CTC1: variants seen among roughly 807,000 people sequenced by gnomAD.
The protein encoded by CTC1 is CST complex subunit CTC1.
CTC1 carries 91 observed loss-of-function variants against 136.3 expected under a neutral mutation model. The observed-to-expected ratio is 0.67, with a 90% CI of 0.56 to 0.79. The LOEUF is 0.79. Ranked by LOEUF, CTC1 falls within the 30% of genes least tolerant of loss-of-function variation. The pLI, the probability that CTC1 is intolerant of heterozygous loss-of-function variation, is 0.00. For synonymous variants in CTC1, 606 were observed against 613.8 expected, an observed-to-expected ratio of 0.99 and a Z score of 0.19; for missense variants, 1,432 against 1,498.1, an observed-to-expected ratio of 0.96 and a Z score of 0.73.
Position 8,228,596 on chromosome 17 carries a change from A to G in CTC1, c.3421T>C (p.Phe1141Leu), listed in dbSNP as rs1302492698. The change falls in exon 22 of 23, where the codon TTC becomes CTC. Residue 1141 changes from phenylalanine (F) to leucine (L), a missense_variant. Transcript: ENST00000651323. ...SARVDEPMTM[F>L]LWTLCTSPSV... ...GGGCTAGTACAAAGTGTCCAGAGGAACATGGTCATGGGCTCGTCAACCCTG... is the reference window on the plus strand; with the variant it reads ...GGGCTAGTACAAAGTGTCCAGAGGAGCATGGTCATGGGCTCGTCAACCCTG... 25 of 1,614,192 alleles carry G rather than the reference A, an allele frequency of 1.5e-5. No individual in the cohort carries two copies. The highest frequency in any genetic ancestry group is 2.1e-5 in the Non-Finnish European group (25 of 1,180,028).
Position 8,247,992 on chromosome 17 carries a change from A to T in CTC1, c.33+12T>A. On this transcript the variant is annotated intron_variant, in intron 1 of 22. Coordinates refer to ENST00000651323, the MANE Select transcript of CTC1 (RefSeq NM_025099.6). ...AGAAAAAAGGAACAAGAGACGTAAT[A>T]GCAGCACTCACGGAGGAAGGGACCT... The T allele has an allele frequency of 6.4e-7, 1 of 1,574,662 alleles. No individual in the cohort carries two copies. The highest frequency in any genetic ancestry group is 8.7e-7 in the Non-Finnish European group (1 of 1,155,026).
chr17:8,232,799 C>G (rs1366847169), intron 11 of CTC1, 107 bp downstream of exon 11: 17 of 1,408,662 alleles, frequency 1.2e-5, no homozygotes, highest in Non-Finnish European at 1.6e-5. Context: ...TGACATGTGT[C>G]ACTTCTGCAT....
At position 8,227,042 on chromosome 17, in the gene CTC1, C is replaced by G. The variant is rs1162690553; in HGVS notation, c.*1138G>C. On this transcript the variant is annotated 3_prime_UTR_variant, in exon 23 of 23. Transcript: ENST00000651323. ...ACCTTGGCGTTATTAGCACCACGCTCTAACCAACTGAGCTAACCGGCCACT... is the reference window on the plus strand; with the variant it reads ...ACCTTGGCGTTATTAGCACCACGCTGTAACCAACTGAGCTAACCGGCCACT... 2 of 151,438 alleles carry G rather than the reference C, an allele frequency of 1.3e-5. No homozygotes were observed. The highest frequency in any genetic ancestry group is 5.0e-5 in the African/African-American group (2 of 40,394). The allele number at this position is 151,438 out of a possible 1,614,324, so 9.4% of individuals were successfully genotyped here.
At chr17:8,230,785 C>G in intron 15 of CTC1, 134 bp from the exon 16 acceptor site, 2 of 706,090 alleles carry the variant, frequency 2.8e-6, no homozygotes, top group South Asian at 3.4e-5. Context: ...AAAACCTGAG[C>G]TCTGCCACAC....
chr17:8,230,068 C>G (rs1025540073), intron 17 of CTC1, 100 bp from the exon 18 acceptor site: 8 of 1,173,388 alleles, frequency 6.8e-6, no homozygotes, highest in African/African-American at 1.5e-5. Context: ...GCCACTCCCC[C>G]TGAGGGACAT....
chr17:8,240,660 A>C (rs529769903), intron 2 of CTC1, among the ~76,000 whole-genome samples: 2 of 151,256 alleles, frequency 1.3e-5, no homozygotes, highest in African/African-American at 4.8e-5. Context: ...CGGGAGGATC[A>C]CCTGAGGTCA....
At chr17:8,242,913 A>T in intron 2 of CTC1, 72 bp downstream of exon 2, 1 of 1,409,486 alleles carries the variant, frequency 7.1e-7, no homozygotes, top group Admixed American at 2.3e-5. Context: ...TTCTAATTAT[A>T]GAACCTTACT....
Position 8,229,379 on chromosome 17 carries a change from C to G in CTC1, c.3079G>C (p.Ala1027Pro). Residue 1027 changes from alanine (A) to proline (P), a missense_variant, in exon 19 of 23, where the codon GCC becomes CCC. By Grantham distance (27) the Ala-to-Pro change is conservative. Coordinates refer to ENST00000651323, the MANE Select transcript of CTC1 (RefSeq NM_025099.6). ...QGGQSPFQAT[A>P]SCHIVSVFSL... ...AAGACAGAGACGATATGGCAAGAGG[C>G]AGTGGCCTGGAATGGGGACTGACCA... 1 of 1,614,158 alleles carries G rather than the reference C, an allele frequency of 6.2e-7. No homozygotes were observed. The highest frequency in any genetic ancestry group is 8.5e-7 in the Non-Finnish European group (1 of 1,179,994).
At chr17:8,236,527 A>G (rs1178473547) in intron 5 of CTC1, among the ~76,000 whole-genome samples, 185 bp from the exon 6 acceptor site, 2 of 152,224 alleles carry the variant, frequency 1.3e-5, no homozygotes, top group Non-Finnish European at 2.9e-5. Flanking sequence ...GAGATGCCAA[A>G]TATTTCCAAA....
chr17:8,231,841 G>A (rs1987257360), intron 13 of CTC1, 26 bp from the exon 14 acceptor site: 2 of 1,613,738 alleles, frequency 1.2e-6, no homozygotes, highest in Non-Finnish European at 1.7e-6. Context: ...GCAAAGTGCT[G>A]GGATCCTAGC....
chr17:8,228,717 C>T lies in CTC1; in HGVS notation c.3387+10G>A, dbSNP rs769560758. 1.1e-5 allele frequency: 17 copies of T among 1,613,986 alleles called. No homozygotes were observed. The highest frequency in any genetic ancestry group is 1.4e-5 in the Non-Finnish European group (17 of 1,179,942). ...GGTATCCGAGTCCCTCCCTCCCAGC[C>T]ACATTACACCTCAAGTTGGGCTCCA... On this transcript the variant is annotated intron_variant, in intron 21 of 22. Transcript: ENST00000651323.
Position 8,228,611 on chromosome 17 carries a change from C to T in CTC1, c.3406G>A (p.Glu1136Lys), listed in dbSNP as rs761553012. Residue 1136 changes from glutamate (E) to lysine (K), a missense_variant, in exon 22 of 23, where the codon GAG becomes AAG. Glu to Lys is a moderately conservative substitution (Grantham distance 56). Transcript: ENST00000651323. ...GTCCAGAGGAACATGGTCATGGGCT[C>T]GTCAACCCTGGCTGAAGACTAGAAA... ...AQLESSARVD[E>K]PMTMFLWTLC... 7.4e-6 allele frequency: 12 copies of T among 1,614,032 alleles called. No individual in the cohort carries two copies. In the Admixed American group the frequency reaches 1.0e-4, roughly 13 times the overall value.
chr17:8,240,424 G>T (rs938907363), intron 2 of CTC1, among the ~76,000 whole-genome samples: 2 of 150,590 alleles, frequency 1.3e-5, no homozygotes, highest in African/African-American at 5.0e-5. Flanking sequence ...AAAGTGCTAG[G>T]ATTACAGGCG....
At position 8,227,884 on chromosome 17, in the gene CTC1, C is replaced by T. The variant is rs1248283474; in HGVS notation, c.*296G>A. On this transcript the variant is annotated 3_prime_UTR_variant, in exon 23 of 23. Transcript: ENST00000651323. ...CACCATCACCCCACAGCGAGCAAGT[C>T]TTTTGTTCCCTCAGCTCCTGCGACA... is the stretch of plus-strand genomic sequence containing the variant. 1 of 312,804 alleles carries T rather than the reference C, an allele frequency of 3.2e-6. No individual in the cohort carries two copies. The highest frequency in any genetic ancestry group is 6.1e-6 in the Non-Finnish European group (1 of 164,378). 19.4% of individuals were successfully genotyped at this position (312,804 alleles called of 1,614,324 possible). A position where few individuals can be genotyped will look rare whatever the true frequency, so the allele number is the denominator to read the frequency against.
chr17:8,235,977 T>A lies in CTC1; in HGVS notation c.1078-18A>T. 6.2e-7 allele frequency: 1 copy of A among 1,601,378 alleles called. No homozygotes were observed. Reference sequence around the variant, plus strand: ...ACTGCTCCCTGCAAACAGGCCGAGGTCCAGTTGACCACTATTTTCTTCCTC... The same window carrying A: ...ACTGCTCCCTGCAAACAGGCCGAGGACCAGTTGACCACTATTTTCTTCCTC... On this transcript the variant is annotated intron_variant, in intron 6 of 22. Transcript: ENST00000651323.
rs372396041 is a variant in CTC1 at position 8,236,092 on chromosome 17, C to T, written c.1043G>A (p.Ser348Asn). 3.7e-6 allele frequency: 6 copies of T among 1,614,054 alleles called. No individual in the cohort carries two copies. In the African/African-American group the frequency reaches 8.0e-5, roughly 22 times the overall value. ...SNSEDKKDPE[S>N]LVRYSRLLSY... ...TAGGAGTCTAGAATACCGGACAAGA[C>T]TTTCTGGATCCTTCTTGTCCTCCGA... The change falls in exon 6 of 23, where the codon AGT (serine) becomes AAT (asparagine). Residue 348 changes from serine to asparagine, a missense_variant. Coordinates refer to ENST00000651323, the MANE Select transcript of CTC1 (RefSeq NM_025099.6).
intron 1 of CTC1, among the ~76,000 whole-genome samples, chr17:8,245,107 C>G (rs559488605): frequency 6.6e-6 from 1 of 151,966 alleles, no homozygotes; most frequent in Non-Finnish European, 1.5e-5. Context: ...AACGAGAACA[C>G]GTGAACACAA....
In CTC1 at chr17:8,226,894, T is replaced by C. The variant is rs886053601; in HGVS notation, c.*1286A>G. The C allele has an allele frequency of 2.6e-5, 4 of 152,118 alleles. No homozygotes were observed. The highest frequency in any genetic ancestry group is 1.5e-5 in the Non-Finnish European group (1 of 68,032). 9.4% of individuals were successfully genotyped at this position (152,118 alleles called of 1,614,324 possible). On this transcript the variant is annotated 3_prime_UTR_variant, in exon 23 of 23. Coordinates refer to ENST00000651323, the MANE Select transcript of CTC1 (RefSeq NM_025099.6). Reference sequence around the variant, plus strand: ...GGAATAGGAAGCAGTAGGTGCAATATAATTCTGTTACCAGAAGGCAACTGG... The same window carrying C: ...GGAATAGGAAGCAGTAGGTGCAATACAATTCTGTTACCAGAAGGCAACTGG...
At chr17:8,234,979 AG>A (rs1987579924) in intron 8 of CTC1, 53 bp from the exon 9 acceptor site, 1 of 1,596,916 alleles carries the variant, frequency 6.3e-7, no homozygotes. Flanking sequence ...TGCCTCTTCA[AG>A]AATCCTGCTC....
Sources: gnomAD v4.1 joint callset for allele counts (sites outside exome capture counted in the v4.1 genomes callset) on GRCh38, gnomAD v4.1.1 for gene constraint, MANE v1.5 for transcripts, NCBI Gene and HGNC (gene_info 2026-07-23, HGNC 2026-07-21) for gene names.